Variants in PRUNE1 observed in about 807,000 individuals in gnomAD.
The protein encoded by PRUNE1 is exopolyphosphatase PRUNE1.
A neutral mutation model predicts 42.5 loss-of-function variants in PRUNE1; 25 were observed. The observed-to-expected ratio is 0.59, with a 90% CI of 0.43 to 0.82. The LOEUF (loss-of-function observed/expected upper bound fraction) is 0.82. PRUNE1 is among the 40% of genes least tolerant of loss of function. PRUNE1 has a pLI of 0.00. For synonymous variants in PRUNE1, 203 were observed against 217.1 expected (o/e 0.93, Z 0.57); for missense variants, 443 against 539.3 (o/e 0.82, Z 1.77).
Position 151,008,573 on chromosome 1 carries a change from T to G in PRUNE1, c.-60T>G. 6.3e-7 allele frequency: 1 copy of G among 1,599,344 alleles called. No homozygotes were observed. Among genetic ancestry groups the G allele is most frequent in the Non-Finnish European group, 8.6e-7 (1 of 1,166,608 alleles). On this transcript the variant is annotated 5_prime_UTR_variant, in exon 1 of 8. Transcript: ENST00000271620. ...GCGGGCTGCATTCGTCGGGGAAACCTCTCCTCGACCAGGGGCACCTCTACT... is the reference window on the plus strand; with the variant it reads ...GCGGGCTGCATTCGTCGGGGAAACCGCTCCTCGACCAGGGGCACCTCTACT...
chr1:151,017,384 C>T (rs1389014647), intron 1 of PRUNE1, among the ~76,000 whole-genome samples: 3 of 152,048 alleles, frequency 2.0e-5, no homozygotes, highest in Non-Finnish European at 4.4e-5. Context: ...GGAATGAGGA[C>T]CCATTAGATT....
Position 151,008,576 on chromosome 1 carries a change from C to G in PRUNE1, c.-57C>G. ...GGCTGCATTCGTCGGGGAAACCTCTCCTCGACCAGGGGCACCTCTACTCGA... is the reference window on the plus strand; with the variant it reads ...GGCTGCATTCGTCGGGGAAACCTCTGCTCGACCAGGGGCACCTCTACTCGA... On this transcript the variant is annotated 5_prime_UTR_variant, in exon 1 of 8. Transcript: ENST00000271620. 6.2e-7 allele frequency: 1 copy of G among 1,603,504 alleles called. No individual in the cohort carries two copies. Among genetic ancestry groups the G allele is most frequent in the Non-Finnish European group, 8.5e-7 (1 of 1,170,272 alleles).
intron 7 of PRUNE1, among the ~76,000 whole-genome samples, chr1:151,033,591 T>C (rs1404017602): frequency 2.0e-5 from 3 of 151,274 alleles, no homozygotes; most frequent in African/African-American, 4.9e-5. Context: ...GGGGTTTCAC[T>C]GTGTTAGCCA....
chr1:151,033,358 TAC>T (rs1322614325), intron 7 of PRUNE1, among the ~76,000 whole-genome samples: 4 of 151,560 alleles, frequency 2.6e-5, no homozygotes, highest in Admixed American at 2.0e-4. Flanking sequence ...GTGCTGGGAT[TAC>T]AGGCGTGAGC....
intron 5 of PRUNE1, 83 bp from the exon 6 acceptor site, chr1:151,027,150 G>A: frequency 1.1e-6 from 1 of 905,574 alleles, no homozygotes; most frequent in Non-Finnish European, 1.8e-6. Context: ...TTCCTTCCTT[G>A]ACCCATCTGG....
chr1:151,019,343 G>C (rs1674282156), intron 3 of PRUNE1, among the ~76,000 whole-genome samples: 1 of 152,016 alleles, frequency 6.6e-6, no homozygotes, highest in South Asian at 2.1e-4. Context: ...GATCCATTAA[G>C]CTCCAGGAGT....
rs587654541 is a variant in PRUNE1, at chr1:151,029,073, T to C, written c.933+129T>C. On this transcript the variant is annotated intron_variant, in intron 7 of 7. Transcript: ENST00000271620. ...ATTAATGTACTTACATGAGGTCCCT[T>C]GACCTGTTTCTGGACCTGTTTCCTC... is the stretch of plus-strand genomic sequence containing the variant. 1.2e-4 allele frequency: 118 copies of C among 944,166 alleles called. No individual in the cohort carries two copies. In the African/African-American group the frequency reaches 1.9e-3, roughly 15 times the overall value. The allele number at this position is 944,166 out of a possible 1,614,324, so 58.5% of individuals were successfully genotyped here.
intron 1 of PRUNE1, among the ~76,000 whole-genome samples, chr1:151,013,669 C>T (rs971483630): frequency 5.5e-4 from 84 of 152,262 alleles, no homozygotes; most frequent in Non-Finnish European, 4.7e-4. Context: ...TGTTTTTCCT[C>T]CAGTCAGGGC....
At chr1:151,027,773 T>TGCGCGCGC (rs1386451129) in intron 6 of PRUNE1, among the ~76,000 whole-genome samples, 2 of 139,646 alleles carry the variant, frequency 1.4e-5, no homozygotes, top group African/African-American at 6.4e-5. Flanking sequence ...TGTGTGTGTG[T>TGCGCGCGC]GTGTGTGTGC....
At position 151,017,918 on chromosome 1, in the gene PRUNE1, C is replaced by T. The variant is rs375138284; in HGVS notation, c.132+14C>T. On this transcript the variant is annotated intron_variant, in intron 2 of 7. Coordinates refer to ENST00000271620, the MANE Select transcript of PRUNE1 (RefSeq NM_021222.3). ...TACCTAGCAAAGGTGGGTAAAAAAA[C>T]GTAGTACCTAGGATCTGAGTCCCTC... is the stretch of plus-strand genomic sequence containing the variant. The T allele has an allele frequency of 9.1e-5, 138 of 1,523,276 alleles. No homozygotes were observed. Among genetic ancestry groups the T allele is most frequent in the Non-Finnish European group, 1.2e-4 (128 of 1,098,452 alleles). The allele number at this position is 1,523,276 out of a possible 1,614,324, so 94.4% of individuals were successfully genotyped here.
At position 151,022,174 on chromosome 1, in the gene PRUNE1, C is replaced by T. The variant is rs587664406; in HGVS notation, c.336-2437C>T. ...TGCCCAGGCTGGAGTGCAATGGCAC[C>T]ATCTCGGCTCACTGCAGTGAGCCTC... On this transcript the variant is annotated intron_variant, in intron 3 of 7. Coordinates refer to ENST00000271620, the MANE Select transcript of PRUNE1 (RefSeq NM_021222.3). 2.0e-3 allele frequency among the ~76,000 whole-genome samples: 300 copies of T among 147,992 alleles called. 1 individual carries two copies. Among genetic ancestry groups the T allele is most frequent in the African/African-American group, 7.2e-3 (287 of 39,932 alleles).
intron 6 of PRUNE1, among the ~76,000 whole-genome samples, chr1:151,027,777 T>TGCGC (rs1468374560): frequency 3.4e-5 from 5 of 148,844 alleles, no homozygotes; most frequent in South Asian, 2.1e-4. Context: ...TGTGTGTGTG[T>TGCGC]GTGTGCGCGC....
At chr1:151,021,919 C>T (rs587646608) in intron 3 of PRUNE1, among the ~76,000 whole-genome samples, 5 of 151,288 alleles carry the variant, frequency 3.3e-5, no homozygotes, top group Admixed American at 6.6e-5. Flanking sequence ...CCGCCCACCT[C>T]GGACTCCCAA....
Position 151,026,592 on chromosome 1 carries a change from T to C in PRUNE1, c.680-641T>C, listed in dbSNP as rs183322944. Among the ~76,000 whole-genome samples, 464 of 152,152 alleles carry C rather than the reference T, an allele frequency of 3.0e-3. 6 individuals are homozygous for C. The highest frequency in any genetic ancestry group is 7.7e-3 in the South Asian group (37 of 4,824). ...ATTGGTTAGGGAGGCAAAAGAAATATTTTGTGAGTAAACAAAAGATGAAGA... is the reference window on the plus strand; with the variant it reads ...ATTGGTTAGGGAGGCAAAAGAAATACTTTGTGAGTAAACAAAAGATGAAGA... On this transcript the variant is annotated intron_variant, in intron 5 of 7. Transcript: ENST00000271620.
intron 1 of PRUNE1, among the ~76,000 whole-genome samples, chr1:151,012,366 G>A (rs1435215265): frequency 6.6e-6 from 1 of 152,144 alleles, no homozygotes; most frequent in Non-Finnish European, 1.5e-5. Flanking sequence ...TTTGCCCAGG[G>A]CAGTCTTGGT....
intron 1 of PRUNE1, among the ~76,000 whole-genome samples, chr1:151,010,252 T>G (rs1221267203): frequency 6.6e-6 from 1 of 151,922 alleles, no homozygotes; most frequent in Non-Finnish European, 1.5e-5. Flanking sequence ...CAGGGCTAAT[T>G]TTTTGTATTT....
At chr1:151,024,203 A>T (rs1024088889) in intron 3 of PRUNE1, among the ~76,000 whole-genome samples, 2 of 147,344 alleles carry the variant, frequency 1.4e-5, no homozygotes, top group Non-Finnish European at 3.0e-5. Context: ...AAAAAAAAAA[A>T]AGAATTGAGA....
rs1463218519 is a variant in PRUNE1 at position 151,017,909 on chromosome 1, G to T, written c.132+5G>T. 6.5e-7 allele frequency: 1 copy of T among 1,543,674 alleles called. No homozygotes were observed. The highest frequency in any genetic ancestry group is 1.4e-5 in the African/African-American group (1 of 73,304). On this transcript the variant is annotated splice_donor_5th_base_variant and intron_variant, in intron 2 of 7. Coordinates refer to ENST00000271620, the MANE Select transcript of PRUNE1 (RefSeq NM_021222.3). Reference sequence around the variant, plus strand: ...CTGGCTTTTTACCTAGCAAAGGTGGGTAAAAAAACGTAGTACCTAGGATCT... The same window carrying T: ...CTGGCTTTTTACCTAGCAAAGGTGGTTAAAAAAACGTAGTACCTAGGATCT...
At chr1:151,009,469 G>A (rs1287049698) in intron 1 of PRUNE1, among the ~76,000 whole-genome samples, 1 of 152,116 alleles carries the variant, frequency 6.6e-6, no homozygotes, top group Non-Finnish European at 1.5e-5. Context: ...GCCATGCTGA[G>A]CCGTCATGAG....
Sources: gnomAD v4.1 joint callset for allele counts (sites outside exome capture counted in the v4.1 genomes callset) on GRCh38, gnomAD v4.1.1 for gene constraint, MANE v1.5 for transcripts, NCBI Gene and HGNC (gene_info 2026-07-23, HGNC 2026-07-21) for gene names.